The following RABL2A variants were observed in gnomAD, a reference collection of about 807,000 sequenced individuals.
RABL2A encodes RAB, member of RAS oncogene family like 2A.
In RABL2A, 17 loss-of-function variants were observed where a neutral mutation model predicts 30.7. That is an observed-to-expected ratio of 0.55 (90% CI 0.38 to 0.83). The LOEUF (loss-of-function observed/expected upper bound fraction) is 0.83. Among genes scored for constraint, RABL2A ranks in the 40% least tolerant of loss-of-function variants. The pLI, the probability that RABL2A is intolerant of heterozygous loss-of-function variation, is 0.00. For missense variants in RABL2A, 155 were observed against 272.6 expected (o/e 0.57, Z 3.04); for synonymous variants, 64 against 101.8 (o/e 0.63, Z 2.24).
In RABL2A at chr2:113,641,419, T is replaced by A. The variant is rs146837516; in HGVS notation, c.476T>A (p.Val159Asp). The A allele has an allele frequency of 9.3e-6, 15 of 1,611,852 alleles. No homozygotes were observed. The African/African-American group carries it at 1.8e-4, about 19-fold the overall frequency. Residue 159 changes from valine to aspartate, a missense_variant, in exon 7 of 9, where the codon GTC becomes GAC. By Grantham distance (152) the Val-to-Asp change is radical. Transcript: ENST00000683472. The part of the protein sequence containing the change: ...AKKFSLPLYF[V>D]SAADGTNVVK... ...AAGTTCTCCCTGCCCCTGTATTTCG[T>A]CTCGGCTGCTGATGGTACCAATGTT...
chr2:113,639,169 T>TC (rs1684138097), intron 5 of RABL2A, among the ~76,000 whole-genome samples: 1 of 149,864 alleles, frequency 6.7e-6, no homozygotes, highest in African/African-American at 2.5e-5. Context: ...TGCCTGTAGT[T>TC]CCAGCTACTC....
rs1257537744 is a variant in RABL2A at position 113,642,346 on chromosome 2, T to A, written c.*217T>A. 8.7e-7 allele frequency: 1 copy of A among 1,150,828 alleles called. No individual in the cohort carries two copies. Among genetic ancestry groups the A allele is most frequent in the East Asian group, 2.7e-5 (1 of 37,136 alleles). The allele number at this position is 1,150,828 out of a possible 1,614,324, so 71.3% of individuals were successfully genotyped here. A position where few individuals can be genotyped will look rare whatever the true frequency, so the allele number is the denominator to read the frequency against. On this transcript the variant is annotated 3_prime_UTR_variant, in exon 9 of 9. Coordinates refer to ENST00000683472, the MANE Select transcript of RABL2A (RefSeq NM_001306158.2). Reference sequence around the variant, plus strand: ...GGAAGAATTCCCCACCAGATCTCCTTGAAGCAGAATTAGGGATCAGCATCA... The same window carrying A: ...GGAAGAATTCCCCACCAGATCTCCTAGAAGCAGAATTAGGGATCAGCATCA...
chr2:113,629,438 T>C (rs1474327204), intron 2 of RABL2A, among the ~76,000 whole-genome samples: 1 of 152,238 alleles, frequency 6.6e-6, no homozygotes, highest in African/African-American at 2.4e-5. Flanking sequence ...CTGGGGGCTT[T>C]GCTGGTTTTT....
intron 2 of RABL2A, among the ~76,000 whole-genome samples, chr2:113,632,526 A>G (rs971879598): frequency 6.6e-6 from 1 of 152,254 alleles, no homozygotes; most frequent in Non-Finnish European, 1.5e-5. Flanking sequence ...TCGGCCTCCC[A>G]AAGTGCTGGG....
chr2:113,629,598 G>C (rs1679499712), intron 2 of RABL2A, among the ~76,000 whole-genome samples: 1 of 150,698 alleles, frequency 6.6e-6, no homozygotes, highest in East Asian at 1.9e-4. Flanking sequence ...GCAGTGACGT[G>C]ATCTCGGCTC....
At chr2:113,629,371 T>A (rs1232330441) in intron 2 of RABL2A, among the ~76,000 whole-genome samples, 1 of 152,208 alleles carries the variant, frequency 6.6e-6, no homozygotes. Context: ...CCCACCTTGG[T>A]TTCTACCTTC....
At chr2:113,641,700 T>C (rs1685244483) in intron 7 of RABL2A, 81 bp from the exon 8 acceptor site, 4 of 602,914 alleles carry the variant, frequency 6.6e-6, no homozygotes, top group Non-Finnish European at 1.2e-5. Context: ...TGGAGTATTG[T>C]GTAGTCTCAC....
intron 5 of RABL2A, among the ~76,000 whole-genome samples, chr2:113,639,158 G>A (rs1684129130): frequency 6.6e-6 from 1 of 151,566 alleles, no homozygotes; most frequent in African/African-American, 2.4e-5. Flanking sequence ...ATGGTGGCAT[G>A]TGCCTGTAGT....
chr2:113,638,437 G>A, intron 5 of RABL2A: 1 of 985,372 alleles, frequency 1.0e-6, no homozygotes, highest in Non-Finnish European at 1.2e-6. Flanking sequence ...TTGTACTAGG[G>A]CAGTTTGGGC....
chr2:113,636,150 C>T (rs937815658), intron 5 of RABL2A, among the ~76,000 whole-genome samples: 1 of 151,998 alleles, frequency 6.6e-6, no homozygotes, highest in African/African-American at 2.4e-5. Flanking sequence ...ATCAACAATG[C>T]AGAAAGTAAT....
rs574947918 is a variant in RABL2A at position 113,640,751 on chromosome 2, G to A, written c.298-143G>A. 4.6e-5 allele frequency: 65 copies of A among 1,409,620 alleles called. 1 individual carries two copies. Among genetic ancestry groups the A allele is most frequent in the Non-Finnish European group, 5.6e-5 (58 of 1,041,988 alleles). 87.3% of individuals were successfully genotyped at this position (1,409,620 alleles called of 1,614,324 possible). Reference sequence around the variant, plus strand: ...TTCCCTGAGAAACGGCAGCCTCTGCGGTCAGAGAGGCTGCAATTCAGAGCG... The same window carrying A: ...TTCCCTGAGAAACGGCAGCCTCTGCAGTCAGAGAGGCTGCAATTCAGAGCG... On this transcript the variant is annotated intron_variant, in intron 5 of 8. Transcript: ENST00000683472.
chr2:113,640,941 G>C lies in RABL2A; in HGVS notation c.345G>C (p.Trp115Cys). The change falls in exon 6 of 9, where the codon TGG becomes TGC. Residue 115 changes from tryptophan (W) to cysteine (C), a missense_variant. Trp to Cys is a radical substitution (Grantham distance 215, BLOSUM62 -2). Around this residue, in one of 5 missense-constraint regions of RABL2A, gnomAD observed 82 missense variants for 103.2 expected, o/e 0.79. Coordinates refer to ENST00000683472, the MANE Select transcript of RABL2A (RefSeq NM_001306158.2). ...TCACCTATAGGAACCTGAGCACCTG[G>C]TATACAGAGCTTCGGGAGTTCAGGC... ...RKVTYRNLST[W>C]YTELREFRPE... The C allele has an allele frequency of 1.9e-6, 3 of 1,613,784 alleles. No individual in the cohort carries two copies. Among genetic ancestry groups the C allele is most frequent in the Non-Finnish European group, 2.5e-6 (3 of 1,179,838 alleles).
chr2:113,628,179 G>A (rs1346387605), intron 1 of RABL2A: 3 of 264,724 alleles, frequency 1.1e-5, no homozygotes, highest in Non-Finnish European at 2.2e-5. Flanking sequence ...TCATTTCTAT[G>A]TGCCCCCCTA....
chr2:113,636,984 G>T (rs1345817309), intron 5 of RABL2A, among the ~76,000 whole-genome samples: 2 of 139,240 alleles, frequency 1.4e-5, no homozygotes, highest in Admixed American at 6.9e-5. Context: ...GCGAGACTCT[G>T]TCTCAAAAAA....
In RABL2A at chr2:113,639,756, T is replaced by C. The variant is rs58256574; in HGVS notation, c.298-1138T>C. Among the ~76,000 whole-genome samples the C allele has an allele frequency of 3.8e-3, 578 of 150,584 alleles. 3 individuals are homozygous for C. The highest frequency in any genetic ancestry group is 0.013 in the African/African-American group (532 of 40,364). On this transcript the variant is annotated intron_variant, in intron 5 of 8. Coordinates refer to ENST00000683472, the MANE Select transcript of RABL2A (RefSeq NM_001306158.2). Reference sequence around the variant, plus strand: ...CTGTAGTCCCAGCTACTGAGGAGGCTGAGACAAGAGAATCACTTGAACACA... The same window carrying C: ...CTGTAGTCCCAGCTACTGAGGAGGCCGAGACAAGAGAATCACTTGAACACA...
intron 3 of RABL2A, 151 bp from the exon 4 acceptor site, chr2:113,634,002 C>A: frequency 7.0e-7 from 1 of 1,434,446 alleles, no homozygotes; most frequent in Non-Finnish European, 9.4e-7. Flanking sequence ...TGAAGCTGAT[C>A]CTCTGTCTGC....
Position 113,641,411 on chromosome 2 carries a change from G to A in RABL2A, c.468G>A (p.Leu156=), listed in dbSNP as rs374828727. ...TTGCCAAGAAGTTCTCCCTGCCCCT[G>A]TATTTCGTCTCGGCTGCTGATGGTA... ...FNFAKKFSLP[L]YFVSAADGTN... Residue 156 remains leucine (L), a synonymous_variant, in exon 7 of 9, where the codon CTG becomes CTA. Coordinates refer to ENST00000683472, the MANE Select transcript of RABL2A (RefSeq NM_001306158.2). The A allele has an allele frequency of 3.5e-5, 56 of 1,611,734 alleles. No individual in the cohort carries two copies. In the African/African-American group the frequency reaches 7.4e-4, roughly 21 times the overall value.
At position 113,632,909 on chromosome 2, in the gene RABL2A, T is replaced by G. The variant is rs762349754; in HGVS notation, c.108-6T>G. ...CATCTGACCACCTTGCCTGTTCTGC[T>G]TACAGACTCATGGAGAGATTTCTCA... On this transcript the variant is annotated splice_polypyrimidine_tract_variant and splice_region_variant and intron_variant, in intron 2 of 8. Transcript: ENST00000683472. 3.4e-5 allele frequency: 55 copies of G among 1,614,086 alleles called. No individual in the cohort carries two copies. Among genetic ancestry groups the G allele is most frequent in the Non-Finnish European group, 4.4e-5 (52 of 1,180,038 alleles).
In RABL2A at chr2:113,640,927, A is replaced by G. The variant is rs1301003053; in HGVS notation, c.331A>G (p.Asn111Asp). The G allele has an allele frequency of 6.2e-7, 1 of 1,613,688 alleles. No homozygotes were observed. The highest frequency in any genetic ancestry group is 2.2e-5 in the East Asian group (1 of 44,892). ...TATACAGAGGAAAGTCACCTATAGG[A>G]ACCTGAGCACCTGGTATACAGAGCT... ...FDIQRKVTYR[N>D]LSTWYTELRE... Residue 111 changes from asparagine (N) to aspartate (D), a missense_variant, in exon 6 of 9, where the codon AAC becomes GAC. Transcript: ENST00000683472.
Sources: allele counts gnomAD v4.1 joint callset (sites outside exome capture counted in the v4.1 genomes callset), GRCh38; gene constraint gnomAD v4.1.1; regional missense constraint gnomAD v4.1.1; transcripts MANE v1.5; gene names NCBI Gene and HGNC (gene_info 2026-07-23, HGNC 2026-07-21).